SUMF1: variants seen among roughly 807,000 people sequenced by gnomAD.
SUMF1 encodes the protein formylglycine-generating enzyme.
SUMF1 carries 48 observed loss-of-function variants against 47.6 expected under a neutral mutation model. That is an observed-to-expected ratio of 1.01 (90% confidence interval 0.80 to 1.28). SUMF1 has a LOEUF of 1.28. Ranked by LOEUF, SUMF1 falls within the 50% of genes most tolerant of loss-of-function variation. The pLI, the probability that SUMF1 is intolerant of heterozygous loss-of-function variation, is 0.00. For synonymous variants in SUMF1, 230 were observed against 192.1 expected (o/e 1.20, Z -1.63); for missense variants, 571 against 485.4 (o/e 1.18, Z -1.66).
intron 8 of SUMF1, among the ~76,000 whole-genome samples, chr3:4,238,407 T>C (rs1018914342): frequency 6.6e-6 from 1 of 152,178 alleles, no homozygotes; most frequent in African/African-American, 2.4e-5. Flanking sequence ...TGTAAAAGCA[T>C]TCCTATTTCT....
At chr3:4,258,672 A>G (rs913231430) in intron 8 of SUMF1, among the ~76,000 whole-genome samples, 1 of 150,988 alleles carries the variant, frequency 6.6e-6, no homozygotes, top group African/African-American at 2.4e-5. Flanking sequence ...GTGGGACTGT[A>G]AACTGGTTCA....
At chr3:4,464,304 T>C (rs909646720) in intron 1 of SUMF1, among the ~76,000 whole-genome samples, 1 of 152,104 alleles carries the variant, frequency 6.6e-6, no homozygotes, top group Admixed American at 6.5e-5. Context: ...CTACTCGACT[T>C]GTCCATGAAG....
chr3:4,376,952 T>G (rs533086831), intron 7 of SUMF1, among the ~76,000 whole-genome samples: 3 of 152,032 alleles, frequency 2.0e-5, no homozygotes, highest in Non-Finnish European at 4.4e-5. Context: ...TGAACCACCA[T>G]GCCCAGCTAA....
intron 8 of SUMF1, among the ~76,000 whole-genome samples, chr3:4,210,638 G>A (rs552516607): frequency 1.3e-5 from 2 of 152,130 alleles, no homozygotes; most frequent in East Asian, 3.9e-4. Context: ...TTTAAGTTCA[G>A]GGGTATATGT....
chr3:4,147,544 T>G lies in SUMF1; in HGVS notation c.1015-78799A>C, dbSNP rs1402609925. On this transcript the variant is annotated intron_variant and NMD_transcript_variant, in intron 8 of 12. Transcript: ENST00000448413. ...CAGATGCTTGGTACCAGAGCCGAGA[T>G]AATAAATGTCTCACCTAAAAAGCTG... 3.9e-5 allele frequency among the ~76,000 whole-genome samples: 6 copies of G among 152,174 alleles called. No homozygotes were observed. The East Asian group carries it at 1.2e-3, about 29-fold the overall frequency.
intron 3 of SUMF1, among the ~76,000 whole-genome samples, chr3:4,442,368 G>A (rs938707139): frequency 4.6e-5 from 7 of 150,902 alleles, no homozygotes; most frequent in African/African-American, 7.3e-5. Context: ...CCATTCTCCT[G>A]CCTCAGCCTC....
At chr3:4,316,884 G>A (rs1698681976) in intron 8 of SUMF1, 1 of 1,549,262 alleles carries the variant, frequency 6.5e-7, no homozygotes, top group Admixed American at 2.0e-5. Flanking sequence ...GGAAATCGAT[G>A]AGATGAACCA....
intron 8 of SUMF1, among the ~76,000 whole-genome samples, chr3:4,220,691 G>A (rs1696041913): frequency 6.6e-6 from 1 of 152,080 alleles, no homozygotes; most frequent in South Asian, 2.1e-4. Context: ...TCTAGTTCCA[G>A]TTTTACCACA....
rs542620012 is a variant in SUMF1 at position 4,162,737 on chromosome 3, A to G, written c.1015-93992T>C. On this transcript the variant is annotated intron_variant and NMD_transcript_variant, in intron 8 of 12. Coordinates refer to the SUMF1 transcript ENST00000448413. Reference sequence around the variant, plus strand: ...AAGGGTGTCTTTCCTGCCCTCTTCAATGCCTCTTTCAGTGATATGAAGTTA... The same window carrying G: ...AAGGGTGTCTTTCCTGCCCTCTTCAGTGCCTCTTTCAGTGATATGAAGTTA... Among the ~76,000 whole-genome samples the G allele has an allele frequency of 2.6e-5, 4 of 152,192 alleles. No homozygotes were observed. In the East Asian group the frequency reaches 7.7e-4, roughly 29 times the overall value.
At chr3:4,217,700 T>A (rs1376303503) in intron 8 of SUMF1, among the ~76,000 whole-genome samples, 1 of 144,072 alleles carries the variant, frequency 6.9e-6, no homozygotes, top group Non-Finnish European at 1.5e-5. Flanking sequence ...TTTATTTTTT[T>A]ATTAAAAAAA....
chr3:4,179,172 T>C (rs1223513454), intron 8 of SUMF1, among the ~76,000 whole-genome samples: 2 of 152,130 alleles, frequency 1.3e-5, no homozygotes, highest in Non-Finnish European at 2.9e-5. Flanking sequence ...CTTCACAGAA[T>C]TGCAAAAAAC....
At position 4,043,993 on chromosome 3, in the gene SUMF1, G is replaced by A. The variant is rs191062560; in HGVS notation, c.1191+24576C>T. On this transcript the variant is annotated intron_variant and NMD_transcript_variant, in intron 9 of 12. Coordinates refer to the SUMF1 transcript ENST00000448413. The stretch of plus-strand genomic sequence containing the variant: ...CATATTCCAAGGCTGCAATAATTCA[G>A]TGGCCCAATACTATTTCAAATTTAT... 9.1e-3 allele frequency among the ~76,000 whole-genome samples: 827 copies of A among 90,546 alleles called. 10 individuals carry two copies. The highest frequency in any genetic ancestry group is 0.03 in the African/African-American group (757 of 25,324). 59.4% of individuals were successfully genotyped at this position (90,546 alleles called of 152,430 possible). A position where few individuals can be genotyped will look rare whatever the true frequency, so the allele number is the denominator to read the frequency against.
intron 8 of SUMF1, among the ~76,000 whole-genome samples, chr3:4,224,232 A>C (rs937373191): frequency 3.3e-5 from 5 of 152,146 alleles, no homozygotes; most frequent in African/African-American, 1.2e-4. Context: ...AAGGTAGGTT[A>C]GTTTCGCATT....
At chr3:4,294,027 A>G (rs1041613993) in intron 8 of SUMF1, among the ~76,000 whole-genome samples, 1 of 152,156 alleles carries the variant, frequency 6.6e-6, no homozygotes, top group African/African-American at 2.4e-5. Context: ...CCACTCATAC[A>G]TGTGAAATAC....
At chr3:4,348,913 G>A (rs1699430436) in intron 8 of SUMF1, among the ~76,000 whole-genome samples, 1 of 151,982 alleles carries the variant, frequency 6.6e-6, no homozygotes, top group Admixed American at 6.6e-5. Context: ...AGAAAACCTA[G>A]GCAATACCAT....
chr3:4,333,961 C>G (rs1699098039), intron 8 of SUMF1, among the ~76,000 whole-genome samples: 5 of 151,756 alleles, frequency 3.3e-5, no homozygotes, highest in African/African-American at 1.2e-4. Flanking sequence ...GACCCCATCT[C>G]TACAAAAATA....
At chr3:4,438,916 C>T (rs762238558) in intron 3 of SUMF1, among the ~76,000 whole-genome samples, 4 of 152,160 alleles carry the variant, frequency 2.6e-5, no homozygotes, top group Non-Finnish European at 5.9e-5. Context: ...ACAGCCCCAA[C>T]ACATTTCAGG....
At chr3:4,381,656 A>C (rs1700508021) in intron 7 of SUMF1, among the ~76,000 whole-genome samples, 1 of 152,218 alleles carries the variant, frequency 6.6e-6, no homozygotes, top group African/African-American at 2.4e-5. Flanking sequence ...CCTCACACAA[A>C]CTATGCCTCA....
intron 8 of SUMF1, among the ~76,000 whole-genome samples, chr3:4,148,398 C>G (rs1302655830): frequency 6.6e-6 from 1 of 152,088 alleles, no homozygotes; most frequent in East Asian, 1.9e-4. Context: ...TAGTAATCTT[C>G]TGGGTCAAAG....
Sources: gnomAD v4.1 joint callset for allele counts (sites outside exome capture counted in the v4.1 genomes callset) on GRCh38, gnomAD v4.1.1 for gene constraint, MANE v1.5 for transcripts, NCBI Gene and HGNC (gene_info 2026-07-23, HGNC 2026-07-21) for gene names.